The following GPR180 variants were observed in gnomAD, a reference collection of about 807,000 sequenced individuals.
The protein encoded by GPR180 is G protein-coupled receptor 180, also known as integral membrane protein GPR180.
Under a neutral mutation model 52.6 loss-of-function variants are expected in GPR180, and 53 were observed. The observed-to-expected ratio is 1.01, with a 90% CI of 0.81 to 1.27. GPR180 has a LOEUF of 1.27. GPR180 is among the 50% of genes most tolerant of loss of function. The probability of loss-of-function intolerance (pLI) is 0.00; values close to 1 mark genes in which losing one functional copy is unlikely to be tolerated. For missense variants in GPR180, 533 were observed against 527.0 expected, an observed-to-expected ratio of 1.01 and a Z score of -0.11; for synonymous variants, 200 against 193.1, an observed-to-expected ratio of 1.04 and a Z score of -0.30.
At position 94,623,138 on chromosome 13, in the gene GPR180, A is replaced by C; in HGVS notation, c.924A>C (p.Glu308Asp). Residue 308 changes from glutamate to aspartate, a missense_variant, in exon 7 of 9, where the codon GAA (glutamate) becomes GAC (aspartate). By Grantham distance (45) the Glu-to-Asp change is conservative. Transcript: ENST00000376958. ...QSVLLLWEQF[E>D]DISHHSYHSH... is the part of the protein sequence containing the mutation. Reference sequence around the variant, plus strand: ...TTTTGCTACTTTGGGAACAGTTTGAAGATATCAGTCATCATAGCTACCATT... The same window carrying C: ...TTTTGCTACTTTGGGAACAGTTTGACGATATCAGTCATCATAGCTACCATT... 1 of 1,613,716 alleles carries C rather than the reference A, an allele frequency of 6.2e-7. No homozygotes were observed. The highest frequency in any genetic ancestry group is 1.3e-5 in the African/African-American group (1 of 75,024).
chr13:94,633,126 A>G lies in GPR180; in HGVS notation c.*5955A>G, dbSNP rs967141218. ...TTTGCTGAGTTCTGTGAGTTGTTCT[A>G]TTTAATTATAGAACCTGAAGGTATT... On this transcript the variant is annotated 3_prime_UTR_variant, in exon 9 of 9. Coordinates refer to ENST00000376958, the MANE Select transcript of GPR180 (RefSeq NM_180989.6). The G allele has an allele frequency of 1.3e-5, 2 of 152,170 alleles. No homozygotes were observed. The highest frequency in any genetic ancestry group is 2.1e-4 in the South Asian group (1 of 4,824). 9.4% of individuals were successfully genotyped at this position (152,170 alleles called of 1,614,324 possible). A position where few individuals can be genotyped will look rare whatever the true frequency, so the allele number is the denominator to read the frequency against.
rs956842570 is a variant in GPR180 at position 94,623,018 on chromosome 13, A to G, written c.895-91A>G. On this transcript the variant is annotated intron_variant, in intron 6 of 8. Transcript: ENST00000376958. Reference sequence around the variant, plus strand: ...GGTCTGATAGGAATGTTTATATAACATTTAAAGGGATGTTTATTAAAGAGT... The same window carrying G: ...GGTCTGATAGGAATGTTTATATAACGTTTAAAGGGATGTTTATTAAAGAGT... 4 of 892,714 alleles carry G rather than the reference A, an allele frequency of 4.5e-6. No homozygotes were observed. In the African/African-American group the frequency reaches 6.8e-5, roughly 15 times the overall value. 55.3% of individuals were successfully genotyped at this position (892,714 alleles called of 1,614,324 possible).
rs1203299541 is a variant in GPR180 at position 94,630,861 on chromosome 13, C to A, written c.*3690C>A. 6.6e-6 allele frequency: 1 copy of A among 152,224 alleles called. No individual in the cohort carries two copies. The highest frequency in any genetic ancestry group is 2.4e-5 in the African/African-American group (1 of 41,458). 9.4% of individuals were successfully genotyped at this position (152,224 alleles called of 1,614,324 possible). ...ACCTGGAGATAGGTTCTGCAGAATT[C>A]TCTTCCATGCATAATTTCAGGACAA... On this transcript the variant is annotated 3_prime_UTR_variant, in exon 9 of 9. Coordinates refer to ENST00000376958, the MANE Select transcript of GPR180 (RefSeq NM_180989.6).
rs1458396472 is a variant in GPR180 at position 94,629,082 on chromosome 13, CTGT to C, written c.*1916_*1918del. 3 of 152,088 alleles carry C rather than the reference CTGT, an allele frequency of 2.0e-5. No homozygotes were observed. Among genetic ancestry groups the C allele is most frequent in the South Asian group, 2.1e-4 (1 of 4,828 alleles). The allele number at this position is 152,088 out of a possible 1,614,324, so 9.4% of individuals were successfully genotyped here. On this transcript the variant is annotated 3_prime_UTR_variant, in exon 9 of 9. Coordinates refer to ENST00000376958, the MANE Select transcript of GPR180 (RefSeq NM_180989.6). ...GATAATTTATTTTGTTATTTAAGAGCTGTTGTTAAGTGGAGGAAAGTAGTTGTT... is the reference window on the plus strand; with the variant it reads ...GATAATTTATTTTGTTATTTAAGAGCTGTTAAGTGGAGGAAAGTAGTTGTT...
Position 94,605,516 on chromosome 13 carries a change from T to C in GPR180, c.271T>C (p.Cys91Arg). Residue 91 changes from cysteine to arginine, a missense_variant, in exon 2 of 9, where the codon TGT becomes CGT. Transcript: ENST00000376958. The stretch of plus-strand genomic sequence containing the variant: ...ACAGCAAAGCAGTCATGGTTATAGC[T>C]GTAGTGAAAAATTATCCAAAGCTCA... ...KLQQSSHGYS[C>R]SEKLSKAQLT... The C allele has an allele frequency of 6.2e-7, 1 of 1,613,246 alleles. No homozygotes were observed. The highest frequency in any genetic ancestry group is 2.2e-5 in the East Asian group (1 of 44,846).
chr13:94,621,328 A>G, intron 6 of GPR180, 93 bp downstream of exon 6: 1 of 1,005,574 alleles, frequency 9.9e-7, no homozygotes, highest in Non-Finnish European at 1.4e-6. Context: ...GGGACCCATA[A>G]GGAATTTGTG....
In GPR180 at chr13:94,619,266, G is replaced by T; in HGVS notation, c.622G>T (p.Val208Phe). The change falls in exon 4 of 9, where the codon GTT becomes TTT. Residue 208 changes from valine (V) to phenylalanine (F), a missense_variant. Physicochemically the swap from Val to Phe is conservative, Grantham distance 50. Coordinates refer to ENST00000376958, the MANE Select transcript of GPR180 (RefSeq NM_180989.6). ...KGGPMHMILKVLTTALLLQAG... is the reference protein window; with the variant it reads ...KGGPMHMILKFLTTALLLQAG... ...CGGACCCATGCACATGATTTTAAAG[G>T]TTCTGACAACTGCATTGCTGTTACA... 1.9e-6 allele frequency: 3 copies of T among 1,614,084 alleles called. No homozygotes were observed. The highest frequency in any genetic ancestry group is 2.5e-6 in the Non-Finnish European group (3 of 1,179,994).
In GPR180 at chr13:94,632,554, T is replaced by A. The variant is rs779122419; in HGVS notation, c.*5383T>A. The stretch of plus-strand genomic sequence containing the variant: ...GTTACTGCACGTTGTTGGTTTTCAG[T>A]CTTGCTAATACAGACAAGGCTGAAA... On this transcript the variant is annotated 3_prime_UTR_variant, in exon 9 of 9. Coordinates refer to ENST00000376958, the MANE Select transcript of GPR180 (RefSeq NM_180989.6). 1.3e-5 allele frequency: 2 copies of A among 152,206 alleles called. No homozygotes were observed. The highest frequency in any genetic ancestry group is 2.9e-5 in the Non-Finnish European group (2 of 68,038). 9.4% of individuals were successfully genotyped at this position (152,206 alleles called of 1,614,324 possible). A position where few individuals can be genotyped will look rare whatever the true frequency, so the allele number is the denominator to read the frequency against.
Position 94,634,221 on chromosome 13 carries a change from A to G in GPR180, c.*7050A>G, listed in dbSNP as rs1041132823. 6.6e-6 allele frequency: 1 copy of G among 152,156 alleles called. No homozygotes were observed. Among genetic ancestry groups the G allele is most frequent in the Non-Finnish European group, 1.5e-5 (1 of 68,016 alleles). The allele number at this position is 152,156 out of a possible 1,614,324, so 9.4% of individuals were successfully genotyped here. ...TGGAATGAATTAAATTTCCATAGCA[A>G]TTTAGGGAAATTTGACTTTCTTAAC... is the stretch of plus-strand genomic sequence containing the variant. On this transcript the variant is annotated 3_prime_UTR_variant, in exon 9 of 9. Transcript: ENST00000376958.
At chr13:94,625,921 A>G (rs761682933) in intron 7 of GPR180, 45 bp from the exon 8 acceptor site, 1 of 1,486,872 alleles carries the variant, frequency 6.7e-7, no homozygotes, top group South Asian at 1.2e-5. Flanking sequence ...CATGCTGAAA[A>G]AAAGCTACAC....
chr13:94,602,255 C>T (rs1367239118), intron 1 of GPR180, among the ~76,000 whole-genome samples, 183 bp downstream of exon 1: 2 of 152,244 alleles, frequency 1.3e-5, no homozygotes, highest in African/African-American at 4.8e-5. Context: ...CCTTGCCAAC[C>T]CCGCTGGTGC....
At position 94,612,246 on chromosome 13, in the gene GPR180, A is replaced by G; in HGVS notation, c.361A>G (p.Thr121Ala). The stretch of plus-strand genomic sequence containing the variant: ...AGTGTCCCAGATTCCGTCTCCACAA[A>G]CGTGGCATGTGTTTTATGCAGACAA... ...LTVSQIPSPQ[T>A]WHVFYADKYT... is the part of the protein sequence containing the mutation. The change falls in exon 3 of 9, where the codon ACG (threonine) becomes GCG (alanine). Residue 121 changes from threonine (T) to alanine (A), a missense_variant. Physicochemically the swap from Thr to Ala is moderately conservative, Grantham distance 58. Coordinates refer to ENST00000376958, the MANE Select transcript of GPR180 (RefSeq NM_180989.6). The G allele has an allele frequency of 6.2e-7, 1 of 1,614,136 alleles. No homozygotes were observed. Among genetic ancestry groups the G allele is most frequent in the South Asian group, 1.1e-5 (1 of 91,088 alleles).
At chr13:94,625,056 C>T (rs4516070) in intron 7 of GPR180, among the ~76,000 whole-genome samples, 58,599 of 149,636 alleles carry the variant, frequency 0.39, 14,372 homozygotes, top group African/African-American at 0.69. Flanking sequence ...TCAGGTGATC[C>T]GCCCGCCTCG....
At chr13:94,607,906 C>A (rs1889655471) in intron 2 of GPR180, among the ~76,000 whole-genome samples, 1 of 152,176 alleles carries the variant, frequency 6.6e-6, no homozygotes, top group Non-Finnish European at 1.5e-5. Flanking sequence ...TAGTCGTAGA[C>A]CTTCATGCTT....
intron 1 of GPR180, 99 bp downstream of exon 1, chr13:94,602,171 C>A (rs1273546519): frequency 3.5e-6 from 4 of 1,136,962 alleles, no homozygotes; most frequent in Middle Eastern, 3.3e-4. Flanking sequence ...CCACGTTGGG[C>A]GAGGCCGGCG....
At chr13:94,621,729 A>C (rs1165296751) in intron 6 of GPR180, among the ~76,000 whole-genome samples, 1 of 152,180 alleles carries the variant, frequency 6.6e-6, no homozygotes, top group Non-Finnish European at 1.5e-5. Context: ...ACTAAAAAAG[A>C]ATGGGATCTT....
intron 1 of GPR180, among the ~76,000 whole-genome samples, chr13:94,602,464 C>A (rs1441260399): frequency 2.0e-5 from 3 of 150,556 alleles, no homozygotes; most frequent in African/African-American, 7.4e-5. Flanking sequence ...AGAATTTAAC[C>A]CTAGAAACTT....
chr13:94,619,045 TA>T, intron 3 of GPR180, 104 bp from the exon 4 acceptor site: 1 of 950,518 alleles, frequency 1.1e-6, no homozygotes, highest in Non-Finnish European at 1.5e-6. Flanking sequence ...TGACTCCAGT[TA>T]AAAAACAAGT....
chr13:94,612,290 CAAG>C lies in GPR180; in HGVS notation c.406_408del (p.Lys136del). On this transcript the variant is annotated inframe_deletion, in exon 3 of 9. Transcript: ENST00000376958. The stretch of plus-strand genomic sequence containing the variant: ...CAGACAAGTATACATGCCAAGATGA[CAAG>C]GAGAATTCTCAGGTGGAAGATATCC... The C allele has an allele frequency of 6.2e-7, 1 of 1,613,638 alleles. No homozygotes were observed. The highest frequency in any genetic ancestry group is 1.7e-4 in the Middle Eastern group (1 of 6,058).
Sources: allele counts gnomAD v4.1 joint callset (sites outside exome capture counted in the v4.1 genomes callset), GRCh38; gene constraint gnomAD v4.1.1; transcripts MANE v1.5; gene names NCBI Gene and HGNC (gene_info 2026-07-23, HGNC 2026-07-21).